Variants in SSTR3 observed in about 807,000 individuals in gnomAD.
SSTR3 encodes somatostatin receptor type 3.
For missense variants in SSTR3, 504 were observed against 604.7 expected, an observed-to-expected ratio of 0.83 and a Z score of 1.75; for synonymous variants, 281 against 269.2, an observed-to-expected ratio of 1.04 and a Z score of -0.43.
In SSTR3 at chr22:37,206,520, C is replaced by A; in HGVS notation, c.*27G>T. ...ACACCCACGGCTTCTGCCTCTTCCT[C>A]GGGCCATCCTGGCTTTCCCCAGGCC... is the stretch of plus-strand genomic sequence containing the variant. On this transcript the variant is annotated 3_prime_UTR_variant, in exon 2 of 2. Coordinates refer to ENST00000610913, the MANE Select transcript of SSTR3 (RefSeq NM_001051.5). 6.4e-7 allele frequency: 1 copy of A among 1,572,452 alleles called. No homozygotes were observed.
Position 37,207,031 on chromosome 22 carries a change from A to C in SSTR3, c.773T>G (p.Met258Arg). The part of the protein sequence containing the change: ...RRRSERRVTR[M>R]VVAVVALFVL... ...GAAGAGCGCCACCACGGCCACCACC[A>C]TGCGCGTGACCCTGCGTTCGGAGCG... is the stretch of plus-strand genomic sequence containing the variant. The change falls in exon 2 of 2, where the codon ATG becomes AGG. Residue 258 changes from methionine (M) to arginine (R), a missense_variant. By Grantham distance (91) the Met-to-Arg change is moderately conservative. Coordinates refer to ENST00000610913, the MANE Select transcript of SSTR3 (RefSeq NM_001051.5). 6.2e-7 allele frequency: 1 copy of C among 1,612,952 alleles called. No homozygotes were observed. The highest frequency in any genetic ancestry group is 8.5e-7 in the Non-Finnish European group (1 of 1,179,958).
chr22:37,211,432 C>T (rs1369480690), intron 1 of SSTR3, among the ~76,000 whole-genome samples: 1 of 152,174 alleles, frequency 6.6e-6, no homozygotes, highest in South Asian at 2.1e-4. Context: ...ACCTCAGTTT[C>T]GTCATATGGA....
At chr22:37,216,233 A>G (rs894696639), upstream of SSTR3, among the ~76,000 whole-genome samples, 3 of 119,612 alleles carry the variant, frequency 2.5e-5, no homozygotes, top group Non-Finnish European at 3.3e-5. Flanking sequence ...CCGCTCGGCA[A>G]TTGCTCCCTC....
intron 1 of SSTR3, among the ~76,000 whole-genome samples, chr22:37,211,191 G>C (rs910873043): frequency 6.6e-6 from 1 of 152,240 alleles, no homozygotes; most frequent in Admixed American, 6.5e-5. Context: ...GTCCTGAATA[G>C]TGCAGGGCGA....
At chr22:37,211,085 C>A (rs973781071) in intron 1 of SSTR3, 1 of 565,086 alleles carries the variant, frequency 1.8e-6, no homozygotes. Flanking sequence ...AGCCAGAATT[C>A]GAACCCAGTT....
At chr22:37,217,603 T>A in the SSTR3 span, among the ~76,000 whole-genome samples, 1 of 152,186 alleles carries the variant, frequency 6.6e-6, no homozygotes, top group Non-Finnish European at 1.5e-5. Context: ...TTTAAAAAAA[T>A]CTGTTTTTCT....
At chr22:37,213,430 G>T (rs1164454065), upstream of SSTR3, among the ~76,000 whole-genome samples, 1 of 152,234 alleles carries the variant, frequency 6.6e-6, no homozygotes. Context: ...TCCAAACTGG[G>T]CCATTCCCTG....
Position 37,206,955 on chromosome 22 carries a change from G to GCA in SSTR3, c.847_848dup (p.Pro284AlafsTer88). The GCA allele has an allele frequency of 6.2e-7, 1 of 1,612,502 alleles. No homozygotes were observed. ...AGAAGGCAGGCTCCTCGGGCAGTGG[G>GCA]CACACCACGTTGACGATGTTGAGCA... On this transcript the variant is annotated frameshift_variant, in exon 2 of 2. Transcript: ENST00000610913. LOFTEE classifies it low-confidence loss of function (END_TRUNC).
chr22:37,212,859 G>T (rs1308129790), upstream of SSTR3, among the ~76,000 whole-genome samples: 1 of 152,194 alleles, frequency 6.6e-6, no homozygotes, highest in African/African-American at 2.4e-5. Context: ...GGGGTCATTA[G>T]TCCTGGGATT....
Position 37,206,487 on chromosome 22 carries a change from C to A in SSTR3, c.*60G>T. On this transcript the variant is annotated 3_prime_UTR_variant, in exon 2 of 2. Transcript: ENST00000610913. ...GGCCTGTGGCACCTTGGGAAGTAGG[C>A]CCTAGGCACACCCACGGCTTCTGCC... 1.3e-6 allele frequency: 2 copies of A among 1,535,822 alleles called. No individual in the cohort carries two copies. The highest frequency in any genetic ancestry group is 1.7e-6 in the Non-Finnish European group (2 of 1,144,544).
rs13057103 is a variant in SSTR3, at chr22:37,207,132, G to C, written c.672C>G (p.Leu224=). The C allele has an allele frequency of 6.2e-7, 1 of 1,612,638 alleles. No homozygotes were observed. The highest frequency in any genetic ancestry group is 2.2e-5 in the East Asian group (1 of 44,870). ...CCTTCACCACGATGAGCAGGTAGCA[G>C]AGGCAGATGACCAGCAGCGGCCCGA... ...GFFGPLLVIC[L]CYLLIVVKVR... The change falls in exon 2 of 2, where the codon CTC becomes CTG. Residue 224 remains leucine, a synonymous_variant. Transcript: ENST00000610913.
chr22:37,213,502 A>G (rs976853765), upstream of SSTR3, among the ~76,000 whole-genome samples: 2 of 152,080 alleles, frequency 1.3e-5, no homozygotes, highest in African/African-American at 2.4e-5. Context: ...TGGAAGTTGA[A>G]TGCATCCAGA....
upstream of SSTR3, among the ~76,000 whole-genome samples, chr22:37,213,235 C>G (rs771298825): frequency 2.0e-5 from 3 of 152,174 alleles, no homozygotes; most frequent in Non-Finnish European, 4.4e-5. Context: ...GATCTTTGGT[C>G]TAAGAGACTC....
intron 1 of SSTR3, among the ~76,000 whole-genome samples, chr22:37,209,804 C>T (rs1331254272): frequency 6.6e-6 from 1 of 152,226 alleles, no homozygotes; most frequent in Non-Finnish European, 1.5e-5. Flanking sequence ...GGGAAGGCAC[C>T]CACCTGAGTG....
At chr22:37,218,620 G>C in the SSTR3 span, among the ~76,000 whole-genome samples, 2 of 151,688 alleles carry the variant, frequency 1.3e-5, no homozygotes, top group Admixed American at 1.3e-4. Context: ...GGGTAGGGAG[G>C]GTAGGAGTGG....
At position 37,206,770 on chromosome 22, in the gene SSTR3, G is replaced by A. The variant is rs202051882; in HGVS notation, c.1034C>T (p.Pro345Leu). ...CTCATCCTCCTCCTCAGTCTTCTCC[G>A]GGGGCCCCACAGTGGGCTCCTGGCT... is the stretch of plus-strand genomic sequence containing the variant. ...VRSQEPTVGP[P>L]EKTEEEDEEE... The change falls in exon 2 of 2, where the codon CCG becomes CTG. Residue 345 changes from proline (P) to leucine (L), a missense_variant. Pro to Leu is a moderately conservative substitution (Grantham distance 98, BLOSUM62 -3). Transcript: ENST00000610913. 1.5e-4 allele frequency: 237 copies of A among 1,610,258 alleles called. 1 individual carries two copies. The East Asian group carries it at 4.2e-3, about 29-fold the overall frequency.
chr22:37,213,445 C>A (rs1251699187), upstream of SSTR3, among the ~76,000 whole-genome samples: 2 of 152,236 alleles, frequency 1.3e-5, no homozygotes, highest in Admixed American at 1.3e-4. Context: ...TCCCTGGGAC[C>A]AGGGCTGGAC....
rs929408036 is a variant in SSTR3 at position 37,212,060 on chromosome 22, C to T, written c.-272G>A. ...CTGACTTCCCAACCAGAGCCTGGTACGTCACCCCCCATCTCCAGGACACAT... is the reference window on the plus strand; with the variant it reads ...CTGACTTCCCAACCAGAGCCTGGTATGTCACCCCCCATCTCCAGGACACAT... On this transcript the variant is annotated 5_prime_UTR_variant, in exon 1 of 2. Coordinates refer to ENST00000610913, the MANE Select transcript of SSTR3 (RefSeq NM_001051.5). 3.9e-5 allele frequency: 38 copies of T among 985,498 alleles called. No individual in the cohort carries two copies. Among genetic ancestry groups the T allele is most frequent in the African/African-American group, 5.2e-5 (3 of 57,188 alleles). The allele number at this position is 985,498 out of a possible 1,614,324, so 61.0% of individuals were successfully genotyped here. A position where few individuals can be genotyped will look rare whatever the true frequency, so the allele number is the denominator to read the frequency against.
rs35163011 is a variant in SSTR3, at chr22:37,207,380, A to G, written c.424T>C (p.Tyr142His). 6.2e-7 allele frequency: 1 copy of G among 1,612,022 alleles called. No individual in the cohort carries two copies. The highest frequency in any genetic ancestry group is 1.7e-5 in the Admixed American group (1 of 59,958). ...FCLTVMSVDR[Y>H]LAVVHPTRSA... ...CGGGTGGGATGTACCACGGCCAGGT[A>G]GCGGTCCACGCTCATGACAGTCAGG... The change falls in exon 2 of 2, where the codon TAC becomes CAC. Residue 142 changes from tyrosine (Y) to histidine (H), a missense_variant. Physicochemically the swap from Tyr to His is moderately conservative, Grantham distance 83 (BLOSUM62 2). Transcript: ENST00000610913.
Sources: allele counts gnomAD v4.1 joint callset (sites outside exome capture counted in the v4.1 genomes callset), GRCh38; gene constraint gnomAD v4.1.1; transcripts MANE v1.5; gene names NCBI Gene and HGNC (gene_info 2026-07-23, HGNC 2026-07-21).